CPNE4: variants seen among roughly 807,000 people sequenced by gnomAD.
The protein encoded by CPNE4 is copine 4.
CPNE4 carries 25 observed loss-of-function variants against 67.9 expected under a neutral mutation model. The observed-to-expected ratio is 0.37, with a 90% CI of 0.27 to 0.51. The LOEUF (loss-of-function observed/expected upper bound fraction) is 0.51, where lower values mean the gene tolerates loss of function less well. Ranked by LOEUF, CPNE4 falls within the 20% of genes least tolerant of loss-of-function variation. The probability of loss-of-function intolerance (pLI) is 0.93; values close to 1 mark genes in which losing one functional copy is unlikely to be tolerated. For synonymous variants in CPNE4, 242 were observed against 244.9 expected (o/e 0.99, Z 0.11); for missense variants, 464 against 690.8 (o/e 0.67, Z 3.68).
chr3:131,615,498 A>G (rs1940082734), intron 7 of CPNE4, among the ~76,000 whole-genome samples: 1 of 152,226 alleles, frequency 6.6e-6, no homozygotes, highest in Admixed American at 6.5e-5. Flanking sequence ...ATTTTAACAC[A>G]TTAGGAACCT....
chr3:132,007,127 G>T (rs934307830), intron 1 of CPNE4, among the ~76,000 whole-genome samples: 14 of 152,102 alleles, frequency 9.2e-5, no homozygotes, highest in Non-Finnish European at 1.6e-4. Context: ...TTCTCTTGAA[G>T]AAATGAGGAA....
In CPNE4 at chr3:131,993,791, G is replaced by A. The variant is rs2073230075; in HGVS notation, c.-2+40776C>T. On this transcript the variant is annotated intron_variant, in intron 1 of 15. Coordinates refer to ENST00000429747, the MANE Select transcript of CPNE4 (RefSeq NM_130808.3). ...TCCCAAGCTTTAAAAATACCAGTAA[G>A]ACAGTCCCATTCAATATCGGAGTAG... 1.5e-5 allele frequency among the ~76,000 whole-genome samples: 2 copies of A among 135,974 alleles called. 1 individual carries two copies. The highest frequency in any genetic ancestry group is 3.3e-5 in the Non-Finnish European group (2 of 59,960). The allele number at this position is 135,974 out of a possible 152,430, so 89.2% of individuals were successfully genotyped here. A position where few individuals can be genotyped will look rare whatever the true frequency, so the allele number is the denominator to read the frequency against.
intron 2 of CPNE4, among the ~76,000 whole-genome samples, chr3:131,772,133 G>A (rs969010143): frequency 6.6e-6 from 1 of 152,000 alleles, no homozygotes; most frequent in Non-Finnish European, 1.5e-5. Flanking sequence ...AGCAGGAGTT[G>A]GGCTGTTATA....
chr3:131,684,107 A>G (rs77697934), intron 6 of CPNE4, among the ~76,000 whole-genome samples: 2,688 of 152,262 alleles, frequency 0.018, 88 homozygotes, highest in African/African-American at 0.062. Flanking sequence ...AACGATGTTA[A>G]AACCAAGTAC....
At chr3:131,930,790 G>T (rs979963732) in intron 1 of CPNE4, among the ~76,000 whole-genome samples, 1 of 151,952 alleles carries the variant, frequency 6.6e-6, no homozygotes, top group Non-Finnish European at 1.5e-5. Context: ...CACCCTTTAG[G>T]GCTTCTTTCC....
intron 1 of CPNE4, among the ~76,000 whole-genome samples, chr3:131,963,031 C>T (rs1037328433): frequency 6.6e-6 from 1 of 152,062 alleles, no homozygotes; most frequent in Non-Finnish European, 1.5e-5. Flanking sequence ...AGGTGATATC[C>T]GCATTTCCAA....
chr3:131,699,158 T>C (rs1480819038), intron 4 of CPNE4, among the ~76,000 whole-genome samples: 1 of 152,198 alleles, frequency 6.6e-6, no homozygotes, highest in Admixed American at 6.5e-5. Context: ...AACTTTCAAA[T>C]ACCAGGCATT....
intron 1 of CPNE4, among the ~76,000 whole-genome samples, chr3:131,960,089 G>A (rs773468470): frequency 4.1e-5 from 6 of 147,736 alleles, no homozygotes; most frequent in African/African-American, 1.3e-4. Flanking sequence ...TGAGATAAGC[G>A]AGAGAGGGAG....
chr3:131,778,884 G>A (rs1348477541), intron 2 of CPNE4, among the ~76,000 whole-genome samples: 1 of 152,040 alleles, frequency 6.6e-6, no homozygotes, highest in Non-Finnish European at 1.5e-5. Flanking sequence ...TGGAAGAGAG[G>A]AAGTCAAACT....
At chr3:131,726,151 G>A (rs1006830702) in intron 2 of CPNE4, among the ~76,000 whole-genome samples, 1 of 152,222 alleles carries the variant, frequency 6.6e-6, no homozygotes, top group Non-Finnish European at 1.5e-5. Context: ...ATAGAAGACA[G>A]GTGATGGAAA....
intron 2 of CPNE4, among the ~76,000 whole-genome samples, chr3:131,825,183 T>C (rs1182715985): frequency 1.3e-5 from 2 of 151,696 alleles, no homozygotes; most frequent in Non-Finnish European, 2.9e-5. Context: ...ACAGTGAGCC[T>C]CAGAGCAGCA....
chr3:131,741,754 T>C (rs968269878), intron 2 of CPNE4, among the ~76,000 whole-genome samples: 2 of 152,128 alleles, frequency 1.3e-5, no homozygotes, highest in African/African-American at 2.4e-5. Flanking sequence ...CTCTCATTCT[T>C]CTTACTAGTG....
At chr3:131,630,700 A>T (rs2079198248) in intron 7 of CPNE4, among the ~76,000 whole-genome samples, 1 of 152,240 alleles carries the variant, frequency 6.6e-6, no homozygotes, top group Non-Finnish European at 1.5e-5. Context: ...AATGGAACAG[A>T]TATAGAATAT....
At chr3:131,752,262 C>T (rs1264477265) in intron 2 of CPNE4, among the ~76,000 whole-genome samples, 1 of 152,120 alleles carries the variant, frequency 6.6e-6, no homozygotes, top group Non-Finnish European at 1.5e-5. Flanking sequence ...CCCCTGCCCA[C>T]CTGGTCTTTG....
chr3:131,623,280 G>A (rs1487505821), intron 7 of CPNE4, among the ~76,000 whole-genome samples: 1 of 151,938 alleles, frequency 6.6e-6, no homozygotes, highest in Non-Finnish European at 1.5e-5. Flanking sequence ...CAGATGGAGT[G>A]TGCTGAAATG....
chr3:131,595,610 G>A (rs1377722086), intron 7 of CPNE4, among the ~76,000 whole-genome samples: 2 of 152,118 alleles, frequency 1.3e-5, no homozygotes, highest in African/African-American at 2.4e-5. Flanking sequence ...CATGTAACAC[G>A]GTGAGAGTAG....
At chr3:131,955,749 C>A (rs999496364) in intron 1 of CPNE4, among the ~76,000 whole-genome samples, 2 of 152,124 alleles carry the variant, frequency 1.3e-5, no homozygotes, top group African/African-American at 4.8e-5. Flanking sequence ...GCTTAAATGT[C>A]TTTGCAACTG....
intron 1 of CPNE4, among the ~76,000 whole-genome samples, chr3:131,918,271 T>C (rs1373643619): frequency 6.6e-6 from 1 of 152,208 alleles, no homozygotes; most frequent in Non-Finnish European, 1.5e-5. Flanking sequence ...AGATCTAGGT[T>C]CATTTTACAG....
At chr3:131,635,755 C>T (rs987247890) in intron 7 of CPNE4, among the ~76,000 whole-genome samples, 10 of 152,182 alleles carry the variant, frequency 6.6e-5, no homozygotes, top group Non-Finnish European at 1.3e-4. Flanking sequence ...GCAAGACTAG[C>T]TTGCAGCTCC....
Sources: allele counts gnomAD v4.1 joint callset (sites outside exome capture counted in the v4.1 genomes callset), GRCh38; gene constraint gnomAD v4.1.1; transcripts MANE v1.5; gene names NCBI Gene and HGNC (gene_info 2026-07-23, HGNC 2026-07-21).